Variants in ZNG1E observed in about 807,000 individuals in gnomAD.
ZNG1E encodes zinc-regulated GTPase metalloprotein activator 1E.
At chr9:65,693,670 G>A in the ZNG1E span, among the ~76,000 whole-genome samples, 1 of 145,388 alleles carries the variant, frequency 6.9e-6, no homozygotes, top group Non-Finnish European at 1.5e-5. Context: ...CGATTCCCTT[G>A]TCTCAGCCTC....
At chr9:65,706,917 T>A in the ZNG1E span, 1 of 142,038 alleles carries the variant, frequency 7.0e-6, no homozygotes, top group Non-Finnish European at 1.5e-5. Context: ...TATTAAACTT[T>A]AAGCTATTTC....
the ZNG1E span, among the ~76,000 whole-genome samples, chr9:65,658,215 G>A: frequency 6.7e-6 from 1 of 149,206 alleles, no homozygotes; most frequent in African/African-American, 2.6e-5. Context: ...ATCCACAGAG[G>A]CGTAAGAGGA....
the ZNG1E span, among the ~76,000 whole-genome samples, chr9:65,711,995 TG>T: frequency 7.9e-6 from 1 of 126,764 alleles, no homozygotes. Flanking sequence ...GGACTCTTTT[TG>T]GTTGGTAAGC....
chr9:65,690,761 G>A, the ZNG1E span, among the ~76,000 whole-genome samples: 1 of 152,230 alleles, frequency 6.6e-6, no homozygotes, highest in East Asian at 1.9e-4. Context: ...AAGAGAGATG[G>A]AAATGGAATG....
chr9:65,681,463 T>C, the ZNG1E span: 1 of 1,597,826 alleles, frequency 6.3e-7, no homozygotes, highest in Non-Finnish European at 8.5e-7. Context: ...AGAATATAAG[T>C]TATAAAATGC....
chr9:65,660,980 A>G, the ZNG1E span, among the ~76,000 whole-genome samples: 252 of 145,860 alleles, frequency 1.7e-3, no homozygotes, highest in African/African-American at 6.2e-3. Flanking sequence ...GGGCCTTGGC[A>G]AACCAAAAAA....
At chr9:65,681,593 C>A in the ZNG1E span, 1 of 1,603,000 alleles carries the variant, frequency 6.2e-7, no homozygotes, top group Non-Finnish European at 8.5e-7. Flanking sequence ...TGGAGAAATC[C>A]TTAGCTGTCA....
At chr9:65,691,179 T>C in the ZNG1E span, among the ~76,000 whole-genome samples, 1 of 151,170 alleles carries the variant, frequency 6.6e-6, no homozygotes, top group Non-Finnish European at 1.5e-5. Context: ...ACCTCCTGGG[T>C]TCAAGTGATT....
the ZNG1E span, chr9:65,707,878 T>G: frequency 4.2e-5 from 6 of 144,058 alleles, no homozygotes; most frequent in Non-Finnish European, 9.1e-5. Flanking sequence ...TTTTTTTCTT[T>G]TGAGGCGGAG....
chr9:65,687,184 G>C, the ZNG1E span, among the ~76,000 whole-genome samples: 2 of 139,838 alleles, frequency 1.4e-5, no homozygotes, highest in South Asian at 2.5e-4. Flanking sequence ...TGAACACTTA[G>C]AGGCCATTGT....
the ZNG1E span, among the ~76,000 whole-genome samples, chr9:65,664,314 G>A: frequency 6.6e-6 from 1 of 150,588 alleles, no homozygotes; most frequent in Non-Finnish European, 1.5e-5. Context: ...GAATTCCCAT[G>A]TGTTGTGGGG....
At chr9:65,688,284 G>A in the ZNG1E span, 1 of 126,888 alleles carries the variant, frequency 7.9e-6, no homozygotes, top group Non-Finnish European at 1.7e-5. Flanking sequence ...AGTCATATAG[G>A]CTCTAAGTTT....
chr9:65,691,061 G>GTTTTTTTTTTTTTTTTTTTTTTTTT, the ZNG1E span: 1 of 1,375,058 alleles, frequency 7.3e-7, no homozygotes, highest in Admixed American at 2.3e-5. Context: ...TATCTTTCTT[G>GTTTTTTTTTTTTTTTTTTTTTTTTT]TTTTTTTTTT....
the ZNG1E span, among the ~76,000 whole-genome samples, chr9:65,714,871 C>G: frequency 2.6e-5 from 4 of 152,094 alleles, no homozygotes; most frequent in South Asian, 4.1e-4. Flanking sequence ...GCCCTGCCCC[C>G]AGAGGTGGAG....
chr9:65,708,189 T>C, the ZNG1E span: 1 of 146,354 alleles, frequency 6.8e-6, no homozygotes, highest in Non-Finnish European at 1.5e-5. Context: ...TGGGCTTATG[T>C]TAAAATTATA....
At chr9:65,719,416 A>C in the ZNG1E span, 1 of 133,330 alleles carries the variant, frequency 7.5e-6, no homozygotes, top group Non-Finnish European at 1.6e-5. Context: ...ATCAGTGTTG[A>C]AATGTATGCT....
At chr9:65,728,493 A>G in the ZNG1E span, among the ~76,000 whole-genome samples, 2 of 148,994 alleles carry the variant, frequency 1.3e-5, no homozygotes, top group Non-Finnish European at 2.9e-5. Context: ...ATTAGCCAAG[A>G]AAAGAGAGAA....
the ZNG1E span, among the ~76,000 whole-genome samples, chr9:65,693,769 C>T: frequency 2.0e-5 from 3 of 151,812 alleles, no homozygotes; most frequent in Non-Finnish European, 4.4e-5. Flanking sequence ...GTTGACCAGC[C>T]TGGTCATGAA....
chr9:65,684,370 C>G, the ZNG1E span, among the ~76,000 whole-genome samples: 1 of 150,192 alleles, frequency 6.7e-6, no homozygotes, highest in African/African-American at 2.4e-5. Flanking sequence ...AATCCAGTCT[C>G]TACTGAAAAT....
Sources: allele counts gnomAD v4.1 joint callset (sites outside exome capture counted in the v4.1 genomes callset), GRCh38; gene constraint gnomAD v4.1.1; transcripts MANE v1.5; gene names NCBI Gene and HGNC (gene_info 2026-07-23, HGNC 2026-07-21).